Variants in NREP observed in about 807,000 individuals in gnomAD.
NREP encodes neuronal regeneration-related protein.
NREP carries 5 observed loss-of-function variants against 8.6 expected under a neutral mutation model. The observed-to-expected ratio is 0.58, with a 90% CI of 0.30 to 1.22. The LOEUF (loss-of-function observed/expected upper bound fraction) is 1.22. Ranked by LOEUF, NREP falls within the 50% of genes most tolerant of loss-of-function variation. NREP has a pLI of 0.07. For synonymous variants in NREP, 27 were observed against 28.0 expected, an observed-to-expected ratio of 0.96 and a Z score of 0.11; for missense variants, 86 against 82.5, an observed-to-expected ratio of 1.04 and a Z score of -0.17.
chr5:111,924,015 A>C (rs564945733), intron 2 of NREP, among the ~76,000 whole-genome samples: 1 of 152,264 alleles, frequency 6.6e-6, no homozygotes, highest in South Asian at 2.1e-4. Flanking sequence ...ATAGCCTGCA[A>C]AATCCTATAA....
intron 2 of NREP, among the ~76,000 whole-genome samples, chr5:111,827,554 A>AG (rs1187411973): frequency 6.6e-6 from 1 of 152,190 alleles, no homozygotes; most frequent in East Asian, 1.9e-4. Flanking sequence ...GATTGAATAA[A>AG]ACCTGTGTGC....
At chr5:111,824,347 C>G (rs1444831621) in intron 2 of NREP, among the ~76,000 whole-genome samples, 1 of 152,100 alleles carries the variant, frequency 6.6e-6, no homozygotes, top group African/African-American at 2.4e-5. Flanking sequence ...CCAGCCTGGA[C>G]GACAGAGCGA....
intron 2 of NREP, among the ~76,000 whole-genome samples, chr5:111,738,121 T>C (rs76872235): frequency 0.017 from 2,514 of 152,336 alleles, 31 homozygotes; most frequent in Non-Finnish European, 0.026. Context: ...TTTAAACTTT[T>C]CATTTTTTTA....
At chr5:111,923,582 G>T (rs1057106819) in intron 2 of NREP, among the ~76,000 whole-genome samples, 1 of 152,100 alleles carries the variant, frequency 6.6e-6, no homozygotes, top group Non-Finnish European at 1.5e-5. Context: ...CATTATGTGG[G>T]GTATAAACAG....
In NREP at chr5:111,937,226, G is replaced by T. The variant is rs1269564369; in HGVS notation, c.135+38048C>A. 2.0e-5 allele frequency among the ~76,000 whole-genome samples: 3 copies of T among 152,164 alleles called. No homozygotes were observed. In the East Asian group the frequency reaches 5.8e-4, roughly 30 times the overall value. On this transcript the variant is annotated intron_variant, in intron 2 of 3. Transcript: ENST00000395634. ...TAAATGATGCCAAAAGCAAAAACTG[G>T]ACTTTACTGAGAAAGTGTAGCAGAT... is the stretch of plus-strand genomic sequence containing the variant.
At chr5:111,950,979 C>G (rs1447666714) in intron 2 of NREP, among the ~76,000 whole-genome samples, 1 of 152,056 alleles carries the variant, frequency 6.6e-6, no homozygotes, top group East Asian at 1.9e-4. Context: ...AGAGCACTAT[C>G]CTTACTCTCT....
intron 2 of NREP, among the ~76,000 whole-genome samples, chr5:111,885,354 T>C (rs1241473896): frequency 5.9e-5 from 9 of 151,998 alleles, no homozygotes; most frequent in Non-Finnish European, 2.9e-5. Flanking sequence ...GAACATTCCA[T>C]GCTCATGAGT....
At chr5:111,844,535 T>A (rs1162834855) in intron 2 of NREP, among the ~76,000 whole-genome samples, 1 of 151,078 alleles carries the variant, frequency 6.6e-6, no homozygotes, top group African/African-American at 2.4e-5. Context: ...TAATATTTAA[T>A]AGGAAATACA....
intron 2 of NREP, among the ~76,000 whole-genome samples, chr5:111,851,165 A>G (rs1404848436): frequency 6.6e-6 from 1 of 152,162 alleles, no homozygotes. Context: ...ACCTCTGCCT[A>G]CATTGAGGCA....
intron 2 of NREP, among the ~76,000 whole-genome samples, chr5:111,770,131 C>T (rs1460395311): frequency 6.6e-6 from 1 of 152,136 alleles, no homozygotes; most frequent in African/African-American, 2.4e-5. Context: ...CTATTGTAAA[C>T]CTTCTGCTGG....
chr5:111,813,350 A>AT (rs1345866587), intron 2 of NREP, among the ~76,000 whole-genome samples: 1 of 152,032 alleles, frequency 6.6e-6, no homozygotes, highest in African/African-American at 2.4e-5. Context: ...CACTTATAAT[A>AT]TTTTTCCAAA....
intron 1 of NREP, among the ~76,000 whole-genome samples, chr5:111,975,604 G>A (rs1371686189): frequency 2.0e-5 from 3 of 152,030 alleles, no homozygotes; most frequent in Admixed American, 6.6e-5. Flanking sequence ...AAGGGGTGTG[G>A]TTCTAAAAAA....
intron 2 of NREP, among the ~76,000 whole-genome samples, chr5:111,957,517 T>C (rs541273971): frequency 2.6e-5 from 4 of 152,058 alleles, no homozygotes; most frequent in Admixed American, 2.6e-4. Context: ...ACCCCTATTT[T>C]ATAACAACTC....
intron 2 of NREP, among the ~76,000 whole-genome samples, chr5:111,902,480 T>C (rs776808761): frequency 3.3e-5 from 5 of 152,116 alleles, no homozygotes; most frequent in African/African-American, 4.8e-5. Flanking sequence ...AGATGAAACG[T>C]GGTTTTACAG....
At chr5:111,843,433 A>C (rs1023186011) in intron 2 of NREP, among the ~76,000 whole-genome samples, 2 of 151,656 alleles carry the variant, frequency 1.3e-5, no homozygotes, top group South Asian at 4.2e-4. Context: ...TTATTTGTTT[A>C]AATTATTTGT....
chr5:111,757,958 C>T (rs531158291), upstream of NREP: 29 of 985,594 alleles, frequency 2.9e-5, no homozygotes, highest in African/African-American at 5.1e-4. Flanking sequence ...CAGCAGAGGG[C>T]ATCTGAGGAA....
At chr5:111,873,750 C>T (rs1417686324) in intron 2 of NREP, among the ~76,000 whole-genome samples, 3 of 152,160 alleles carry the variant, frequency 2.0e-5, no homozygotes, top group Non-Finnish European at 4.4e-5. Flanking sequence ...ATAACTTCTG[C>T]AAATCCTTTT....
rs1453720538 is a variant in NREP at position 111,729,840 on chromosome 5, T to G, written c.*1081A>C. ...TGCTCTGCCTTTTAAAAAAGTATCA[T>G]GATTTTGTAGACCTTGTTTTCCAAT... On this transcript the variant is annotated 3_prime_UTR_variant, in exon 4 of 4. Coordinates refer to ENST00000257435, the MANE Select transcript of NREP (RefSeq NM_004772.4). 6.6e-6 allele frequency: 1 copy of G among 152,660 alleles called. No homozygotes were observed. Among genetic ancestry groups the G allele is most frequent in the Non-Finnish European group, 1.5e-5 (1 of 68,048 alleles). 9.5% of individuals were successfully genotyped at this position (152,660 alleles called of 1,614,324 possible).
At chr5:111,866,661 T>C (rs1388391761) in intron 2 of NREP, among the ~76,000 whole-genome samples, 10 of 152,118 alleles carry the variant, frequency 6.6e-5, no homozygotes, top group Non-Finnish European at 1.0e-4. Context: ...ACCCAAAGGA[T>C]TATAAATCAT....
Sources: gnomAD v4.1 joint callset for allele counts (sites outside exome capture counted in the v4.1 genomes callset) on GRCh38, gnomAD v4.1.1 for gene constraint, MANE v1.5 for transcripts, NCBI Gene and HGNC (gene_info 2026-07-23, HGNC 2026-07-21) for gene names.